UNC13A: variants seen among roughly 807,000 people sequenced by gnomAD.
UNC13A encodes protein unc-13 homolog A.
UNC13A carries 61 observed loss-of-function variants against 219.7 expected under a neutral mutation model. The ratio of observed to expected loss-of-function variants is 0.28; its 90% confidence interval spans 0.23 to 0.34. The LOEUF (loss-of-function observed/expected upper bound fraction) is 0.34. Ranked by LOEUF, UNC13A falls within the 10% of genes least tolerant of loss-of-function variation. The probability of loss-of-function intolerance (pLI) is 1.00; values close to 1 mark genes in which losing one functional copy is unlikely to be tolerated. For missense variants in UNC13A, 1,476 were observed against 2,270.3 expected (o/e 0.65, Z 7.11); for synonymous variants, 920 against 884.6 (o/e 1.04, Z -0.71).
At chr19:17,621,997 C>A in intron 36 of UNC13A, 127 bp from the exon 37 acceptor site, 1 of 936,740 alleles carries the variant, frequency 1.1e-6, no homozygotes. Context: ...GACTGGGTTG[C>A]ATGGGGATAG....
At chr19:17,665,450 A>G (rs11666081) in intron 7 of UNC13A, among the ~76,000 whole-genome samples, 24,987 of 152,146 alleles carry the variant, frequency 0.16, 2,188 homozygotes, top group African/African-American at 0.18. Context: ...AATCTTGACA[A>G]CTGCAGCCTT....
intron 11 of UNC13A, 38 bp from the exon 12 acceptor site, chr19:17,652,715 T>C: frequency 6.2e-7 from 1 of 1,611,358 alleles, no homozygotes; most frequent in South Asian, 1.1e-5. Context: ...AGTGTGGCTG[T>C]CCCTCCCCTC....
chr19:17,626,407 T>C (rs1338373120), intron 34 of UNC13A: 2 of 501,900 alleles, frequency 4.0e-6, no homozygotes, highest in Non-Finnish European at 7.0e-6. Context: ...ATGTCACCTA[T>C]TCATCCACCA....
intron 1 of UNC13A, among the ~76,000 whole-genome samples, chr19:17,684,051 A>G (rs556928710): frequency 6.6e-6 from 1 of 152,352 alleles, no homozygotes; most frequent in African/African-American, 2.4e-5. Context: ...AGCTGAGATC[A>G]TGCCACTGCA....
At chr19:17,678,971 C>T (rs980219928) in intron 1 of UNC13A, among the ~76,000 whole-genome samples, 17 of 151,852 alleles carry the variant, frequency 1.1e-4, no homozygotes, top group Non-Finnish European at 1.5e-4. Flanking sequence ...AAGGAGACAG[C>T]GAGAGTACCA....
At chr19:17,650,385 A>G (rs1232589542) in intron 12 of UNC13A, among the ~76,000 whole-genome samples, 1 of 151,950 alleles carries the variant, frequency 6.6e-6, no homozygotes, top group Non-Finnish European at 1.5e-5. Context: ...ATGGTAGTGC[A>G]TGCCTGTAGT....
In UNC13A at chr19:17,686,309, C is replaced by G. The variant is rs924712820; in HGVS notation, c.22+1869G>C. On this transcript the variant is annotated intron_variant, in intron 1 of 43. Coordinates refer to ENST00000519716, the MANE Select transcript of UNC13A (RefSeq NM_001080421.3). The stretch of plus-strand genomic sequence containing the variant: ...AGGGTGAGATCCCCGCCCCCCCCCC[C>G]CCCCCCCCACTCCACTAGGCAAACC... 4.9e-5 allele frequency among the ~76,000 whole-genome samples: 4 copies of G among 82,096 alleles called. 1 individual carries two copies. Among genetic ancestry groups the G allele is most frequent in the Admixed American group, 1.0e-4 (1 of 9,986 alleles). The allele number at this position is 82,096 out of a possible 152,430, so 53.9% of individuals were successfully genotyped here.
chr19:17,612,678 C>A (rs1474626538), intron 41 of UNC13A, among the ~76,000 whole-genome samples: 1 of 152,014 alleles, frequency 6.6e-6, no homozygotes, highest in Non-Finnish European at 1.5e-5. Context: ...AACCCCATCT[C>A]TACAATAAAT....
intron 26 of UNC13A, among the ~76,000 whole-genome samples, chr19:17,634,953 C>G (rs2076897676): frequency 6.6e-6 from 1 of 152,264 alleles, no homozygotes; most frequent in South Asian, 2.1e-4. Context: ...TCACTGCAAG[C>G]TCCACCTCCT....
At chr19:17,643,570 C>T (rs1345458642) in intron 19 of UNC13A, among the ~76,000 whole-genome samples, 2 of 152,188 alleles carry the variant, frequency 1.3e-5, no homozygotes, top group Non-Finnish European at 2.9e-5. Flanking sequence ...CCGCCCGCCT[C>T]GGCCTCCCAA....
chr19:17,674,423 A>G lies in UNC13A; in HGVS notation c.152+234T>C, dbSNP rs1408121436. On this transcript the variant is annotated intron_variant, in intron 3 of 43. Coordinates refer to ENST00000519716, the MANE Select transcript of UNC13A (RefSeq NM_001080421.3). This position sits in a 1 kb window ranked among gnomAD's most constrained non-coding sequence, Gnocchi z 5.0. ...GATTGTAGGAGGTGGATGGCACAGG[A>G]GGCCAGGGCGGAGGCTGGCGGGCAG... Among the ~76,000 whole-genome samples, 1 of 152,162 alleles carries G rather than the reference A, an allele frequency of 6.6e-6. No individual in the cohort carries two copies. The highest frequency in any genetic ancestry group is 1.5e-5 in the Non-Finnish European group (1 of 68,028).
chr19:17,615,137 T>A (rs1295776492), intron 41 of UNC13A, among the ~76,000 whole-genome samples: 4 of 152,336 alleles, frequency 2.6e-5, no homozygotes. Context: ...TCTCAGTATC[T>A]CATCTGTGGA....
chr19:17,639,838 A>G lies in UNC13A; in HGVS notation c.2856+2T>C. ...GCAAATTCTCATGCACACACTTCCT[A>G]CCCGGTACATGGAGAGGTCAATCCG... On this transcript the variant is annotated splice_donor_variant, in intron 23 of 43. Coordinates refer to ENST00000519716, the MANE Select transcript of UNC13A (RefSeq NM_001080421.3). LOFTEE classifies it high-confidence loss of function. 1 of 1,613,594 alleles carries G rather than the reference A, an allele frequency of 6.2e-7. No individual in the cohort carries two copies. Among genetic ancestry groups the G allele is most frequent in the East Asian group, 2.2e-5 (1 of 44,874 alleles).
At chr19:17,643,904 C>CT (rs1271455771) in intron 19 of UNC13A, among the ~76,000 whole-genome samples, 1 of 152,110 alleles carries the variant, frequency 6.6e-6, no homozygotes, top group East Asian at 1.9e-4. Flanking sequence ...GGGTCTGTGC[C>CT]TCTCTCCTCA....
chr19:17,686,743 C>A (rs977388480), intron 1 of UNC13A, among the ~76,000 whole-genome samples: 6 of 150,738 alleles, frequency 4.0e-5, no homozygotes, highest in Non-Finnish European at 5.9e-5. Context: ...CGGCCCAGCC[C>A]GGCCGGATTT....
Position 17,676,114 on chromosome 19 carries a change from G to A in UNC13A, c.23-73C>T, listed in dbSNP as rs1476657735. The A allele has an allele frequency of 2.1e-6, 3 of 1,460,142 alleles. No individual in the cohort carries two copies. In the African/African-American group the frequency reaches 4.2e-5, roughly 21 times the overall value. 90.4% of individuals were successfully genotyped at this position (1,460,142 alleles called of 1,614,324 possible). On this transcript the variant is annotated intron_variant, in intron 1 of 43. Transcript: ENST00000519716. ...GGAGGAGGAGGCAGAGATACGGAGA[G>A]ATTCAGAGACACACCAAGATGGAGA...
chr19:17,609,841 G>T, intron 43 of UNC13A, 99 bp downstream of exon 43: 1 of 1,538,368 alleles, frequency 6.5e-7, no homozygotes, highest in Non-Finnish European at 8.9e-7. Context: ...CCATTCCCGG[G>T]CCCAGATTCC....
chr19:17,608,426 TG>T (rs2076562223), intron 43 of UNC13A, among the ~76,000 whole-genome samples: 1 of 137,904 alleles, frequency 7.3e-6, no homozygotes, highest in South Asian at 2.1e-4. Context: ...TATATTTATA[TG>T]ATATATATTT....
chr19:17,639,287 C>A, intron 24 of UNC13A, 70 bp from the exon 25 acceptor site: 1 of 1,602,024 alleles, frequency 6.2e-7, no homozygotes, highest in South Asian at 1.1e-5. Context: ...GACTGCGAGT[C>A]ATTTTGGGTT....
Sources: allele counts gnomAD v4.1 joint callset (sites outside exome capture counted in the v4.1 genomes callset), GRCh38; gene constraint gnomAD v4.1.1; non-coding constraint Gnocchi (gnomAD v3.1); transcripts MANE v1.5; gene names NCBI Gene and HGNC (gene_info 2026-07-23, HGNC 2026-07-21).